IL2RA: variants seen among roughly 807,000 people sequenced by gnomAD.
IL2RA encodes interleukin-2 receptor subunit alpha.
A neutral mutation model predicts 37.8 loss-of-function variants in IL2RA; 24 were observed. That is an observed-to-expected ratio of 0.63 (90% confidence interval 0.46 to 0.89). The LOEUF (loss-of-function observed/expected upper bound fraction) is 0.89, where lower values mean the gene tolerates loss of function less well. IL2RA is among the 40% of genes least tolerant of loss of function. The pLI, the probability that IL2RA is intolerant of heterozygous loss-of-function variation, is 0.00. For missense variants in IL2RA, 319 were observed against 348.6 expected, an observed-to-expected ratio of 0.92 and a Z score of 0.68; for synonymous variants, 125 against 114.6, an observed-to-expected ratio of 1.09 and a Z score of -0.58.
intron 1 of IL2RA, among the ~76,000 whole-genome samples, chr10:6,051,238 G>A (rs1839950475): frequency 6.6e-6 from 1 of 152,048 alleles, no homozygotes; most frequent in South Asian, 2.1e-4. Context: ...TCATTGTCGG[G>A]GAAGCCACCA....
In IL2RA at chr10:6,047,490, G is replaced by A. The variant is rs142661620; in HGVS notation, c.64+14598C>T. On this transcript the variant is annotated intron_variant, in intron 1 of 7. Coordinates refer to ENST00000379959, the MANE Select transcript of IL2RA (RefSeq NM_000417.3). This position sits in a 1 kb window ranked among gnomAD's most constrained non-coding sequence, Gnocchi z 5.0. Reference sequence around the variant, plus strand: ...CCGGGCCACCAAAAACAGCAATCACGTCAGCTGAGACGCAACACACTGCAT... The same window carrying A: ...CCGGGCCACCAAAAACAGCAATCACATCAGCTGAGACGCAACACACTGCAT... 1.5e-4 allele frequency among the ~76,000 whole-genome samples: 23 copies of A among 152,286 alleles called. No individual in the cohort carries two copies. The highest frequency in any genetic ancestry group is 7.7e-4 in the East Asian group (4 of 5,184).
chr10:6,041,085 G>A (rs1344576052), intron 1 of IL2RA, among the ~76,000 whole-genome samples: 1 of 149,994 alleles, frequency 6.7e-6, no homozygotes, highest in Non-Finnish European at 1.5e-5. Context: ...AACATCACGA[G>A]TACTTTGAGA....
rs1840053038 is a variant in IL2RA, at chr10:6,056,792, G to A, written c.64+5296C>T. ...CCCCTTTCTCTTCTCTCAGGGAATG[G>A]CCTGGGATAGAGAAGAGAAACAGGT... On this transcript the variant is annotated intron_variant, in intron 1 of 7. Transcript: ENST00000379959. The surrounding 1 kb of genome is among the most constrained non-coding windows in gnomAD (Gnocchi z 5.0). Among the ~76,000 whole-genome samples the A allele has an allele frequency of 6.6e-6, 1 of 152,128 alleles. No homozygotes were observed. Among genetic ancestry groups the A allele is most frequent in the African/African-American group, 2.4e-5 (1 of 41,414 alleles).
intron 7 of IL2RA, among the ~76,000 whole-genome samples, chr10:6,017,613 T>A (rs189146481): frequency 7.3e-6 from 1 of 136,320 alleles, no homozygotes; most frequent in Non-Finnish European, 1.6e-5. Context: ...TCTTGCTCTG[T>A]CACCCAGGCT....
intron 1 of IL2RA, among the ~76,000 whole-genome samples, chr10:6,049,678 C>T (rs1228693535): frequency 6.6e-6 from 1 of 152,218 alleles, no homozygotes; most frequent in Non-Finnish European, 1.5e-5. Context: ...CTTTTCTTTA[C>T]ACGGCACTCA....
intron 1 of IL2RA, among the ~76,000 whole-genome samples, chr10:6,034,368 C>A (rs1247875237): frequency 6.6e-6 from 1 of 152,038 alleles, no homozygotes; most frequent in Non-Finnish European, 1.5e-5. Context: ...CTGAAGGCAG[C>A]AGGAGGTAGA....
At chr10:6,031,176 C>T (rs1361940622) in intron 1 of IL2RA, among the ~76,000 whole-genome samples, 1 of 151,656 alleles carries the variant, frequency 6.6e-6, no homozygotes, top group East Asian at 1.9e-4. Context: ...TAGAAACTTT[C>T]AGACTGGATT....
At chr10:6,039,121 A>T (rs747355790) in intron 1 of IL2RA, among the ~76,000 whole-genome samples, 1 of 152,238 alleles carries the variant, frequency 6.6e-6, no homozygotes, top group African/African-American at 2.4e-5. Flanking sequence ...AAAGTTTGAA[A>T]CTAAAAGAAT....
chr10:6,031,203 C>A (rs1450001139), intron 1 of IL2RA, among the ~76,000 whole-genome samples: 1 of 151,488 alleles, frequency 6.6e-6, no homozygotes, highest in Non-Finnish European at 1.5e-5. Flanking sequence ...CAGGGCCCAA[C>A]TATATGCTGT....
At chr10:6,034,152 A>C (rs953241803) in intron 1 of IL2RA, among the ~76,000 whole-genome samples, 1 of 152,224 alleles carries the variant, frequency 6.6e-6, no homozygotes, top group Admixed American at 6.5e-5. Context: ...CAGAGTCATC[A>C]TAAATTAGCC....
chr10:6,024,357 A>G lies in IL2RA; in HGVS notation c.257-3T>C. ...TTGTTTCGTTGTGTTCCGAGTGGCT[A>G]GAAAATATAGATGGAATGATGCAGA... On this transcript the variant is annotated splice_polypyrimidine_tract_variant and splice_region_variant and intron_variant, in intron 2 of 7. Transcript: ENST00000379959. 1.9e-6 allele frequency: 3 copies of G among 1,580,572 alleles called. No homozygotes were observed. Among genetic ancestry groups the G allele is most frequent in the Non-Finnish European group, 2.6e-6 (3 of 1,149,306 alleles).
chr10:6,049,964 C>T (rs1839923097), intron 1 of IL2RA, among the ~76,000 whole-genome samples: 2 of 152,058 alleles, frequency 1.3e-5, no homozygotes, highest in Non-Finnish European at 2.9e-5. Flanking sequence ...GAGGAGGTTC[C>T]CTTTGAAGGA....
In IL2RA at chr10:6,062,175, G is replaced by A. The variant is rs1840131685; in HGVS notation, c.-24C>T. On this transcript the variant is annotated 5_prime_UTR_variant, in exon 1 of 8. Transcript: ENST00000379959. ...ATCTTCCTGACCCTTGGGACCAGCC[G>A]GGGCAGTGAAGCGGAGGTCTTTCTC... 1 of 1,608,520 alleles carries A rather than the reference G, an allele frequency of 6.2e-7. No homozygotes were observed. Among genetic ancestry groups the A allele is most frequent in the South Asian group, 1.1e-5 (1 of 90,926 alleles).
intron 1 of IL2RA, among the ~76,000 whole-genome samples, chr10:6,043,288 AAAAT>A (rs926617332): frequency 6.6e-6 from 1 of 152,252 alleles, no homozygotes; most frequent in Admixed American, 6.5e-5. Context: ...ATTTATGTAT[AAAAT>A]AAAAAACAAA....
At chr10:6,027,500 G>C (rs931718675) in intron 1 of IL2RA, among the ~76,000 whole-genome samples, 1 of 152,188 alleles carries the variant, frequency 6.6e-6, no homozygotes, top group Non-Finnish European at 1.5e-5. Flanking sequence ...GCAGCAGCAT[G>C]GTGGGAAGGA....
At position 6,044,051 on chromosome 10, in the gene IL2RA, C is replaced by T. The variant is rs1589306493; in HGVS notation, c.65-18026G>A. On this transcript the variant is annotated intron_variant, in intron 1 of 7. Coordinates refer to ENST00000379959, the MANE Select transcript of IL2RA (RefSeq NM_000417.3). The surrounding 1 kb of genome is among the most constrained non-coding windows in gnomAD (Gnocchi z 4.5). The stretch of plus-strand genomic sequence containing the variant: ...CTCCCCAAACTCAGTGGCAAGTCCA[C>T]AGCGGGGAAAGTCTAACTCCCAATT... Among the ~76,000 whole-genome samples, 1 of 152,202 alleles carries T rather than the reference C, an allele frequency of 6.6e-6. No homozygotes were observed. Among genetic ancestry groups the T allele is most frequent in the African/African-American group, 2.4e-5 (1 of 41,440 alleles).
At position 6,020,178 on chromosome 10, in the gene IL2RA, C is replaced by G. The variant is rs1839362050; in HGVS notation, c.584-237G>C. Among the ~76,000 whole-genome samples, 1 of 152,168 alleles carries G rather than the reference C, an allele frequency of 6.6e-6. No individual in the cohort carries two copies. The highest frequency in any genetic ancestry group is 2.4e-5 in the African/African-American group (1 of 41,432). On this transcript the variant is annotated intron_variant, in intron 4 of 7. Transcript: ENST00000379959. This position sits in a 1 kb window ranked among gnomAD's most constrained non-coding sequence, Gnocchi z 5.6. Reference sequence around the variant, plus strand: ...ATTCTAACTCTGACCCTAGCTGTCCCCAAAACTCTGAGCAATGCTTTCTCC... The same window carrying G: ...ATTCTAACTCTGACCCTAGCTGTCCGCAAAACTCTGAGCAATGCTTTCTCC...
At chr10:6,050,382 A>C (rs180810385) in intron 1 of IL2RA, among the ~76,000 whole-genome samples, 116 of 152,282 alleles carry the variant, frequency 7.6e-4, no homozygotes, top group Middle Eastern at 3.4e-3. Context: ...CAAGCCTGTA[A>C]TCCCAGCACT....
Position 6,018,204 on chromosome 10 carries a change from G to T in IL2RA, c.728-85C>A, listed in dbSNP as rs1839311062. The T allele has an allele frequency of 7.7e-6, 8 of 1,038,972 alleles. No homozygotes were observed. Among genetic ancestry groups the T allele is most frequent in the Non-Finnish European group, 1.2e-5 (8 of 666,140 alleles). The allele number at this position is 1,038,972 out of a possible 1,614,324, so 64.4% of individuals were successfully genotyped here. A position where few individuals can be genotyped will look rare whatever the true frequency, so the allele number is the denominator to read the frequency against. On this transcript the variant is annotated intron_variant, in intron 6 of 7. Coordinates refer to ENST00000379959, the MANE Select transcript of IL2RA (RefSeq NM_000417.3). This position sits in a 1 kb window ranked among gnomAD's most constrained non-coding sequence, Gnocchi z 5.1. ...AGCCAGGGCCACAGGGCAGGCTGAGGACATCCCCAAAGAGCAAGGCGGAGG... is the reference window on the plus strand; with the variant it reads ...AGCCAGGGCCACAGGGCAGGCTGAGTACATCCCCAAAGAGCAAGGCGGAGG...
Sources: allele counts gnomAD v4.1 joint callset (sites outside exome capture counted in the v4.1 genomes callset), GRCh38; gene constraint gnomAD v4.1.1; non-coding constraint Gnocchi (gnomAD v3.1); transcripts MANE v1.5; gene names NCBI Gene and HGNC (gene_info 2026-07-23, HGNC 2026-07-21).